SOX5: variants seen among roughly 807,000 people sequenced by gnomAD.
SOX5 encodes the protein transcription factor SOX-5.
SOX5 carries 9 observed loss-of-function variants against 92.0 expected under a neutral mutation model. The ratio of observed to expected loss-of-function variants is 0.10; its 90% CI spans 0.06 to 0.17. The LOEUF (loss-of-function observed/expected upper bound fraction) is 0.17, where lower values mean the gene tolerates loss of function less well. Ranked by LOEUF, SOX5 falls within the 10% of genes least tolerant of loss-of-function variation. SOX5 has a pLI of 1.00. For synonymous variants in SOX5, 344 were observed against 336.3 expected, an observed-to-expected ratio of 1.02 and a Z score of -0.25; for missense variants, 642 against 944.5, an observed-to-expected ratio of 0.68 and a Z score of 4.20.
At chr12:24,096,853 T>A (rs1945479759) in intron 4 of SOX5, among the ~76,000 whole-genome samples, 1 of 152,148 alleles carries the variant, frequency 6.6e-6, no homozygotes, top group African/African-American at 2.4e-5. Context: ...CAAAAGTGTG[T>A]GTGTCTGTGT....
intron 3 of SOX5, among the ~76,000 whole-genome samples, chr12:24,276,991 C>T (rs1944508178): frequency 6.6e-6 from 1 of 152,072 alleles, no homozygotes; most frequent in African/African-American, 2.4e-5. Flanking sequence ...TTGCTATCAT[C>T]TGCCAGTTTA....
intron 4 of SOX5, among the ~76,000 whole-genome samples, chr12:24,046,335 G>C (rs752683988): frequency 6.6e-6 from 1 of 152,182 alleles, no homozygotes; most frequent in Non-Finnish European, 1.5e-5. Flanking sequence ...GAGCTGAAAG[G>C]AGAGCCTTTT....
chr12:23,945,831 A>AT (rs901426466), intron 1 of SOX5, among the ~76,000 whole-genome samples: 1 of 152,006 alleles, frequency 6.6e-6, no homozygotes, highest in Non-Finnish European at 1.5e-5. Context: ...AGCACAACGG[A>AT]TTTTTTTGTT....
rs1938522616 is a variant in SOX5, at chr12:23,529,516, T to C, written c.*4703A>G. On this transcript the variant is annotated 3_prime_UTR_variant, in exon 15 of 15. Coordinates refer to ENST00000451604, the MANE Select transcript of SOX5 (RefSeq NM_006940.6). Reference sequence around the variant, plus strand: ...ACAGTATAATAAGTAAAGAACACATTTGCTGTTTTTATTGGTGCCTTGCAT... The same window carrying C: ...ACAGTATAATAAGTAAAGAACACATCTGCTGTTTTTATTGGTGCCTTGCAT... The C allele has an allele frequency of 6.6e-6, 1 of 152,132 alleles. No homozygotes were observed. Among genetic ancestry groups the C allele is most frequent in the South Asian group, 2.1e-4 (1 of 4,830 alleles). 9.4% of individuals were successfully genotyped at this position (152,132 alleles called of 1,614,324 possible).
intron 1 of SOX5, among the ~76,000 whole-genome samples, chr12:23,938,436 T>A (rs1168705424): frequency 6.6e-6 from 1 of 150,998 alleles, no homozygotes; most frequent in Non-Finnish European, 1.5e-5. Flanking sequence ...GTTTTCTAGT[T>A]TTCAAAATGT....
intron 3 of SOX5, among the ~76,000 whole-genome samples, chr12:23,778,213 T>C (rs2095168585): frequency 4.6e-5 from 7 of 152,198 alleles, no homozygotes; most frequent in Admixed American, 4.6e-4. Flanking sequence ...GAATCATGAC[T>C]TTAATATGCA....
Position 23,684,173 on chromosome 12 carries a change from A to G in SOX5, c.811-18609T>C, listed in dbSNP as rs570300181. 3.9e-5 allele frequency among the ~76,000 whole-genome samples: 6 copies of G among 152,176 alleles called. No individual in the cohort carries two copies. In the East Asian group the frequency reaches 1.2e-3, roughly 29 times the overall value. ...TTCTAAGCCACTATAGGTATTAAAC[A>G]GCAATTTACATGTGATTTGCATATT... On this transcript the variant is annotated intron_variant, in intron 6 of 14. Coordinates refer to ENST00000451604, the MANE Select transcript of SOX5 (RefSeq NM_006940.6).
At chr12:23,769,326 A>G (rs2094845041) in intron 3 of SOX5, among the ~76,000 whole-genome samples, 1 of 152,108 alleles carries the variant, frequency 6.6e-6, no homozygotes, top group South Asian at 2.1e-4. Flanking sequence ...AAAGTACTTA[A>G]AAAATAATGA....
At chr12:23,796,576 T>G (rs1295418453) in intron 3 of SOX5, among the ~76,000 whole-genome samples, 3 of 152,008 alleles carry the variant, frequency 2.0e-5, no homozygotes, top group African/African-American at 4.8e-5. Context: ...TACTGGGCCT[T>G]ACTAGGAACT....
chr12:24,255,668 G>A (rs548679663), intron 3 of SOX5, among the ~76,000 whole-genome samples: 8 of 152,000 alleles, frequency 5.3e-5, no homozygotes, highest in South Asian at 2.1e-4. Context: ...TTCTCGACTC[G>A]GAAAAAAAAT....
chr12:24,515,806 A>T (rs960969898), intron 1 of SOX5, among the ~76,000 whole-genome samples: 1 of 152,198 alleles, frequency 6.6e-6, no homozygotes, highest in African/African-American at 2.4e-5. Context: ...CAAGTTGCAC[A>T]ATTGCTCAAT....
chr12:23,968,402 T>A (rs1328992286), intron 4 of SOX5, among the ~76,000 whole-genome samples: 1 of 152,216 alleles, frequency 6.6e-6, no homozygotes, highest in Non-Finnish European at 1.5e-5. Flanking sequence ...GTTGGAAACT[T>A]GATCTCCAAT....
chr12:23,914,624 C>T (rs2097393173), intron 1 of SOX5, among the ~76,000 whole-genome samples: 1 of 152,068 alleles, frequency 6.6e-6, no homozygotes, highest in African/African-American at 2.4e-5. Context: ...AGCAAAAGAG[C>T]TTACTGATTC....
At chr12:24,277,487 T>C (rs11047346) in intron 2 of SOX5, among the ~76,000 whole-genome samples, 151 of 104,702 alleles carry the variant, frequency 1.4e-3, no homozygotes, top group South Asian at 5.3e-3. Context: ...TAAATATATA[T>C]GTAAATTTAC....
intron 3 of SOX5, among the ~76,000 whole-genome samples, chr12:24,243,986 G>A (rs972292738): frequency 6.6e-6 from 1 of 150,398 alleles, no homozygotes; most frequent in Non-Finnish European, 1.5e-5. Flanking sequence ...CAATTTGCAA[G>A]TGGAACAAGG....
At chr12:24,124,707 C>T (rs920048860) in intron 4 of SOX5, among the ~76,000 whole-genome samples, 13 of 152,214 alleles carry the variant, frequency 8.5e-5, no homozygotes, top group African/African-American at 3.1e-4. Context: ...CACTGGTCTC[C>T]AGTGGAGACT....
At chr12:23,601,453 A>G (rs1306817516) in intron 9 of SOX5, among the ~76,000 whole-genome samples, 1 of 152,148 alleles carries the variant, frequency 6.6e-6, no homozygotes, top group Non-Finnish European at 1.5e-5. Context: ...TTTTAACTTA[A>G]ACCATCAATT....
intron 2 of SOX5, among the ~76,000 whole-genome samples, chr12:23,851,618 G>T (rs1178783901): frequency 2.0e-5 from 3 of 151,956 alleles, no homozygotes; most frequent in Admixed American, 6.6e-5. Context: ...CCAATTTAAA[G>T]CCTTTCCTTT....
chr12:23,993,248 G>A (rs1950726850), intron 4 of SOX5, among the ~76,000 whole-genome samples: 1 of 152,084 alleles, frequency 6.6e-6, no homozygotes, highest in South Asian at 2.1e-4. Flanking sequence ...ACTTCACAGT[G>A]ACATAAAGCC....
Sources: allele counts gnomAD v4.1 joint callset (sites outside exome capture counted in the v4.1 genomes callset), GRCh38; gene constraint gnomAD v4.1.1; transcripts MANE v1.5; gene names NCBI Gene and HGNC (gene_info 2026-07-23, HGNC 2026-07-21).